Variants in SMIM45 observed in about 807,000 individuals in gnomAD.
SMIM45 encodes small integral membrane protein 45.
chr22:41,951,637 C>T, the SMIM45 span, among the ~76,000 whole-genome samples: 1 of 152,176 alleles, frequency 6.6e-6, no homozygotes, highest in Non-Finnish European at 1.5e-5. Context: ...CCTGGCATTG[C>T]TACTTTCTTG....
At chr22:41,953,755 T>TG in the SMIM45 span, among the ~76,000 whole-genome samples, 1 of 94,594 alleles carries the variant, frequency 1.1e-5, no homozygotes, top group Admixed American at 1.2e-4. Flanking sequence ...TTTTTTTTTT[T>TG]TTTTTTTTTT....
At chr22:41,957,895 C>T in the SMIM45 span, 1 of 161,686 alleles carries the variant, frequency 6.2e-6, no homozygotes, top group Non-Finnish European at 1.4e-5. Context: ...AGGTCTGAGC[C>T]GACTTGCAAA....
At chr22:41,958,060 G>A in the SMIM45 span, 2 of 293,744 alleles carry the variant, frequency 6.8e-6, no homozygotes, top group South Asian at 2.8e-5. Context: ...TGCGCTGGCA[G>A]TGGAGGTGGG....
At chr22:41,951,010 G>T in the SMIM45 span, among the ~76,000 whole-genome samples, 1 of 152,212 alleles carries the variant, frequency 6.6e-6, no homozygotes, top group Non-Finnish European at 1.5e-5. Flanking sequence ...CAAACCCTCT[G>T]TGAACTCACA....
At chr22:41,953,740 GTTTTTTTTT>G in the SMIM45 span, among the ~76,000 whole-genome samples, 12 of 89,318 alleles carry the variant, frequency 1.3e-4, no homozygotes, top group African/African-American at 4.0e-4. Flanking sequence ...TCTGTGATCT[GTTTTTTTTT>G]TTTTTTTTTT....
the SMIM45 span, among the ~76,000 whole-genome samples, chr22:41,948,911 C>T: frequency 1.3e-5 from 2 of 152,046 alleles, no homozygotes; most frequent in Non-Finnish European, 2.9e-5. Flanking sequence ...ACTAAAAATA[C>T]AAAATTAGCT....
the SMIM45 span, chr22:41,947,268 G>A: frequency 6.0e-5 from 36 of 601,242 alleles, no homozygotes; most frequent in East Asian, 9.1e-4. Flanking sequence ...GCTACCCGTG[G>A]AACACGTGGT....
At chr22:41,958,814 C>T in the SMIM45 span, 2 of 169,224 alleles carry the variant, frequency 1.2e-5, no homozygotes, top group Admixed American at 1.1e-4. Flanking sequence ...GAACCCTCCT[C>T]CTGTGTGGAG....
the SMIM45 span, chr22:41,947,070 C>G: frequency 6.2e-7 from 1 of 1,612,928 alleles, no homozygotes; most frequent in East Asian, 2.2e-5. Context: ...GGCCTCAACA[C>G]CGACATCACA....
chr22:41,949,333 G>A, the SMIM45 span, among the ~76,000 whole-genome samples: 2 of 152,170 alleles, frequency 1.3e-5, no homozygotes, highest in Non-Finnish European at 2.9e-5. Flanking sequence ...GCCTCCCTAA[G>A]GTGACATTTG....
the SMIM45 span, among the ~76,000 whole-genome samples, chr22:41,954,816 G>A: frequency 3.3e-5 from 5 of 151,908 alleles, no homozygotes; most frequent in Non-Finnish European, 5.9e-5. Flanking sequence ...GACCAGCCTG[G>A]CCAACATGGC....
chr22:41,950,937 A>G, the SMIM45 span, among the ~76,000 whole-genome samples: 3 of 152,246 alleles, frequency 2.0e-5, no homozygotes, highest in Non-Finnish European at 4.4e-5. Context: ...GGTTGCAGTG[A>G]GCCGAGATTG....
the SMIM45 span, among the ~76,000 whole-genome samples, chr22:41,950,330 CT>C: frequency 1.3e-5 from 2 of 152,124 alleles, no homozygotes; most frequent in Non-Finnish European, 2.9e-5. Flanking sequence ...CTGAACATAC[CT>C]TCACCCCAAA....
At chr22:41,958,649 C>A in the SMIM45 span, 1 of 272,658 alleles carries the variant, frequency 3.7e-6, no homozygotes, top group South Asian at 3.4e-5. Flanking sequence ...GGGTCCCAAC[C>A]CCCTCCCTCT....
At chr22:41,947,199 G>T in the SMIM45 span, 15 of 863,398 alleles carry the variant, frequency 1.7e-5, no homozygotes, top group African/African-American at 6.8e-5. Context: ...TTCGCGGGAC[G>T]GGACGGGGCC....
the SMIM45 span, chr22:41,958,508 G>GAGAGAGAGAT: frequency 2.5e-6 from 1 of 395,902 alleles, no homozygotes; most frequent in Admixed American, 2.9e-5. Context: ...GAGAGAGAGA[G>GAGAGAGAGAT]TCTGGGGGGA....
At chr22:41,955,323 G>A in the SMIM45 span, among the ~76,000 whole-genome samples, 2 of 151,960 alleles carry the variant, frequency 1.3e-5, no homozygotes, top group Non-Finnish European at 2.9e-5. Flanking sequence ...GGGATTACAA[G>A]CATGTGCCAC....
the SMIM45 span, among the ~76,000 whole-genome samples, chr22:41,951,882 A>G: frequency 3.3e-5 from 5 of 152,088 alleles, no homozygotes; most frequent in Admixed American, 2.0e-4. Flanking sequence ...CAGACCATCA[A>G]ACCTTAGAGT....
the SMIM45 span, among the ~76,000 whole-genome samples, chr22:41,950,899 G>C: frequency 3.9e-5 from 6 of 152,244 alleles, no homozygotes; most frequent in Non-Finnish European, 8.8e-5. Context: ...GGCTGAGGCA[G>C]GGGAATCGCT....
Sources: gnomAD v4.1 joint callset for allele counts (sites outside exome capture counted in the v4.1 genomes callset) on GRCh38, gnomAD v4.1.1 for gene constraint, MANE v1.5 for transcripts, NCBI Gene and HGNC (gene_info 2026-07-23, HGNC 2026-07-21) for gene names.